Variants in YWHAG observed in about 807,000 individuals in gnomAD.
YWHAG encodes tyrosine 3-monooxygenase/tryptophan 5-monooxygenase activation protein gamma, also known as 14-3-3 protein gamma.
YWHAG carries 1 observed loss-of-function variant against 23.3 expected under a neutral mutation model. The observed-to-expected ratio is 0.04, with a 90% CI of 0.02 to 0.20. The LOEUF is 0.20. Among genes scored for constraint, YWHAG ranks in the 10% least tolerant of loss-of-function variants. The pLI, the probability that YWHAG is intolerant of heterozygous loss-of-function variation, is 1.00. For synonymous variants in YWHAG, 160 were observed against 144.0 expected (o/e 1.11, Z -0.80); for missense variants, 151 against 338.6 (o/e 0.45, Z 4.35).
At position 76,327,689 on chromosome 7, in the gene YWHAG, C is replaced by CCCCCCCCCCCCCCCCCCCCCA. The variant is rs1803468773; in HGVS notation, c.*1887_*1888insTGGGGGGGGGGGGGGGGGGGG. 1 of 110,290 alleles carries CCCCCCCCCCCCCCCCCCCCCA rather than the reference C, an allele frequency of 9.1e-6. No homozygotes were observed. The highest frequency in any genetic ancestry group is 4.0e-5 in the African/African-American group (1 of 25,302). The allele number at this position is 110,290 out of a possible 1,614,324, so 6.8% of individuals were successfully genotyped here. On this transcript the variant is annotated 3_prime_UTR_variant, in exon 2 of 2. Transcript: ENST00000307630. The stretch of plus-strand genomic sequence containing the variant: ...CCCTGCCCCCCCCCCCCTCCCCCCC[C>CCCCCCCCCCCCCCCCCCCCCA]AAATCGTCTTCCTCCCATGGCAATG...
At chr7:76,352,652 C>CTT (rs749657866) in intron 1 of YWHAG, among the ~76,000 whole-genome samples, 12 of 144,944 alleles carry the variant, frequency 8.3e-5, no homozygotes, top group Admixed American at 7.0e-5. Context: ...ACAACCAAAA[C>CTT]TTTTTTTTTT....
In YWHAG at chr7:76,327,040, A is replaced by C. The variant is rs916715123; in HGVS notation, c.*2537T>G. The C allele has an allele frequency of 1.3e-5, 2 of 152,662 alleles. No individual in the cohort carries two copies. The highest frequency in any genetic ancestry group is 2.4e-5 in the African/African-American group (1 of 41,450). The allele number at this position is 152,662 out of a possible 1,614,324, so 9.5% of individuals were successfully genotyped here. On this transcript the variant is annotated 3_prime_UTR_variant, in exon 2 of 2. Transcript: ENST00000307630. Reference sequence around the variant, plus strand: ...GTTGTTCTCCAACACTGTAATAGTTATAATTTCACCATGACAAACACCAGA... The same window carrying C: ...GTTGTTCTCCAACACTGTAATAGTTCTAATTTCACCATGACAAACACCAGA...
chr7:76,344,181 G>A (rs1046480972), intron 1 of YWHAG, among the ~76,000 whole-genome samples: 2 of 152,054 alleles, frequency 1.3e-5, no homozygotes, highest in African/African-American at 4.8e-5. Context: ...TGCGATATCG[G>A]CTCACTGCAG....
At chr7:76,357,278 G>A (rs1023366693) in intron 1 of YWHAG, among the ~76,000 whole-genome samples, 1 of 152,120 alleles carries the variant, frequency 6.6e-6, no homozygotes, top group South Asian at 2.1e-4. Flanking sequence ...GTCCTCTTTT[G>A]AGAACCAGTA....
chr7:76,337,095 T>C (rs568129032), intron 1 of YWHAG, among the ~76,000 whole-genome samples: 4 of 152,282 alleles, frequency 2.6e-5, no homozygotes, highest in African/African-American at 9.6e-5. Context: ...GTATCTGAAA[T>C]AACACGCCTC....
At chr7:76,331,819 C>T (rs1803546051) in intron 1 of YWHAG, among the ~76,000 whole-genome samples, 1 of 150,082 alleles carries the variant, frequency 6.7e-6, no homozygotes, top group Non-Finnish European at 1.5e-5. Context: ...GCCTGGCCAA[C>T]ATAACAAGGC....
chr7:76,338,807 G>A (rs981989987), intron 1 of YWHAG, among the ~76,000 whole-genome samples: 1 of 152,236 alleles, frequency 6.6e-6, no homozygotes, highest in African/African-American at 2.4e-5. Context: ...TTGTGAAGGT[G>A]ACGGTGTGGG....
rs1443759218 is a variant in YWHAG, at chr7:76,329,706, G to T, written c.615C>A (p.Ile205=). ...HLAKTAFDDA[I]AELDTLNEDS... ...CCTCGTTGAGGGTGTCAAGCTCGGC[G>T]ATGGCGTCGTCGAACGCGGTCTTGG... Residue 205 remains isoleucine, a synonymous_variant, in exon 2 of 2, where the codon ATC becomes ATA. Coordinates refer to ENST00000307630, the MANE Select transcript of YWHAG (RefSeq NM_012479.4). This position sits in a 1 kb window ranked among gnomAD's most constrained non-coding sequence, Gnocchi z 6.1. The T allele has an allele frequency of 6.2e-7, 1 of 1,614,230 alleles. No homozygotes were observed. The highest frequency in any genetic ancestry group is 8.5e-7 in the Non-Finnish European group (1 of 1,180,048).
chr7:76,357,453 G>A (rs942124884), intron 1 of YWHAG, among the ~76,000 whole-genome samples: 1 of 152,136 alleles, frequency 6.6e-6, no homozygotes, highest in East Asian at 1.9e-4. Flanking sequence ...GAAATCATTA[G>A]ATTAATTTTC....
chr7:76,350,158 G>GA (rs200920724), intron 1 of YWHAG, among the ~76,000 whole-genome samples: 2,492 of 151,862 alleles, frequency 0.016, 28 homozygotes, highest in Middle Eastern at 0.034. Flanking sequence ...TAGTCAAAGG[G>GA]AAAAAAAAGG....
intron 1 of YWHAG, among the ~76,000 whole-genome samples, chr7:76,335,401 G>A (rs1803602324): frequency 6.6e-6 from 1 of 152,158 alleles, no homozygotes; most frequent in Non-Finnish European, 1.5e-5. Flanking sequence ...ATAGCTGTAG[G>A]TAAAATGGTT....
At chr7:76,354,436 G>C (rs1400803680) in intron 1 of YWHAG, among the ~76,000 whole-genome samples, 1 of 152,080 alleles carries the variant, frequency 6.6e-6, no homozygotes, top group Non-Finnish European at 1.5e-5. Context: ...ACTTGAACCT[G>C]GGAGGCAGAG....
At chr7:76,355,174 T>C (rs189920029) in intron 1 of YWHAG, among the ~76,000 whole-genome samples, 7 of 152,338 alleles carry the variant, frequency 4.6e-5, no homozygotes, top group Admixed American at 2.0e-4. Context: ...GCCACTCAAT[T>C]GCACTTGAAA....
chr7:76,345,920 TAC>T (rs1372792392), intron 1 of YWHAG, among the ~76,000 whole-genome samples: 2 of 152,122 alleles, frequency 1.3e-5, no homozygotes, highest in African/African-American at 4.8e-5. Context: ...CAGCCTGGGC[TAC>T]AGAGTGAAAC....
At chr7:76,356,273 G>A (rs947777591) in intron 1 of YWHAG, among the ~76,000 whole-genome samples, 4 of 152,072 alleles carry the variant, frequency 2.6e-5, no homozygotes, top group African/African-American at 9.7e-5. Flanking sequence ...TATTGAATCC[G>A]CACAACTTTT....
At chr7:76,341,603 G>T (rs1036137785) in intron 1 of YWHAG, among the ~76,000 whole-genome samples, 4 of 151,914 alleles carry the variant, frequency 2.6e-5, no homozygotes, top group Non-Finnish European at 4.4e-5. Flanking sequence ...CGATGATCTC[G>T]AAAACATTTT....
chr7:76,342,063 C>G (rs1393907467), intron 1 of YWHAG, among the ~76,000 whole-genome samples: 1 of 152,182 alleles, frequency 6.6e-6, no homozygotes, highest in Non-Finnish European at 1.5e-5. Context: ...TAATGGAGCA[C>G]AGACCTCTGG....
chr7:76,331,000 T>C (rs568113738), intron 1 of YWHAG, among the ~76,000 whole-genome samples: 1 of 152,386 alleles, frequency 6.6e-6, no homozygotes, highest in South Asian at 2.1e-4. Flanking sequence ...TGTATATTTT[T>C]ATGACTACAA....
At chr7:76,345,227 C>T (rs1239693971) in intron 1 of YWHAG, among the ~76,000 whole-genome samples, 10 of 150,428 alleles carry the variant, frequency 6.6e-5, no homozygotes, top group Admixed American at 2.6e-4. Flanking sequence ...GCTCTGTTGC[C>T]CAGGCTGGAG....
Sources: allele counts gnomAD v4.1 joint callset (sites outside exome capture counted in the v4.1 genomes callset), GRCh38; gene constraint gnomAD v4.1.1; non-coding constraint Gnocchi (gnomAD v3.1); transcripts MANE v1.5; gene names NCBI Gene and HGNC (gene_info 2026-07-23, HGNC 2026-07-21).